RYR2: variants seen among roughly 807,000 people sequenced by gnomAD.
RYR2 encodes the protein ryanodine receptor 2.
RYR2 carries 227 observed loss-of-function variants against 601.1 expected under a neutral mutation model. The ratio of observed to expected loss-of-function variants is 0.38; its 90% CI spans 0.34 to 0.42. The LOEUF is 0.42. Among genes scored for constraint, RYR2 ranks in the 10% least tolerant of loss-of-function variants. The pLI is 1.00. For synonymous variants in RYR2, 2,223 were observed against 2,175.1 expected (o/e 1.02, Z -0.61); for missense variants, 4,646 against 6,156.5 (o/e 0.75, Z 8.21).
At position 237,496,625 on chromosome 1, in the gene RYR2, C is replaced by T. The variant is rs1282880190; in HGVS notation, c.2076C>T (p.His692=). 1 of 1,613,940 alleles carries T rather than the reference C, an allele frequency of 6.2e-7. No homozygotes were observed. Among genetic ancestry groups the T allele is most frequent in the South Asian group, 1.1e-5 (1 of 91,078 alleles). ...CCTTTGTGACAGCTGAAGCAACTCA[C>T]CTGCGAGTGGGCTGGGCTTCCACTG... ...TEPFVTAEAT[H]LRVGWASTEG... Residue 692 remains histidine (H), a synonymous_variant, in exon 20 of 105, where the codon CAC becomes CAT. Coordinates refer to ENST00000366574, the MANE Select transcript of RYR2 (RefSeq NM_001035.3).
intron 1 of RYR2, among the ~76,000 whole-genome samples, chr1:237,237,945 C>CCCTCCTTTCCTTTCCTTT (rs1685740230): frequency 2.8e-5 from 1 of 35,500 alleles, no homozygotes; most frequent in African/African-American, 6.5e-5. Flanking sequence ...CTTTCCTTTC[C>CCCTCCTTTCCTTTCCTTT]CCTTTCCTTT....
At chr1:237,393,234 T>G (rs1022913240) in intron 10 of RYR2, among the ~76,000 whole-genome samples, 2 of 152,176 alleles carry the variant, frequency 1.3e-5, no homozygotes, top group African/African-American at 4.8e-5. Flanking sequence ...GCAGGCCAAT[T>G]AAGTCATAGT....
chr1:237,772,580 G>A (rs1434001818), intron 86 of RYR2, among the ~76,000 whole-genome samples: 1 of 152,108 alleles, frequency 6.6e-6, no homozygotes, highest in Non-Finnish European at 1.5e-5. Context: ...CTCTGATATT[G>A]TAATCATATT....
Position 237,445,442 on chromosome 1 carries a change from T to A in RYR2, c.1212T>A (p.Ser404Arg). 1 of 1,613,700 alleles carries A rather than the reference T, an allele frequency of 6.2e-7. No individual in the cohort carries two copies. The highest frequency in any genetic ancestry group is 8.5e-7 in the Non-Finnish European group (1 of 1,179,704). ...AAGGCCACATGGATGATGGCATAAG[T>A]TTGTCGAGATCCCAGCATGAAGAAT... ...HHEGHMDDGISLSRSQHEESR... is the reference protein window; with the variant it reads ...HHEGHMDDGIRLSRSQHEESR... Residue 404 changes from serine to arginine, a missense_variant, in exon 14 of 105, where the codon AGT (serine) becomes AGA (arginine). Ser to Arg is a moderately radical substitution (Grantham distance 110, BLOSUM62 -1). This residue lies in a region of RYR2 where 1,807 missense variants were observed against 2,088.1 expected (regional missense o/e 0.87). Coordinates refer to ENST00000366574, the MANE Select transcript of RYR2 (RefSeq NM_001035.3).
chr1:237,258,536 A>C (rs749260412), intron 1 of RYR2, among the ~76,000 whole-genome samples: 1 of 152,202 alleles, frequency 6.6e-6, no homozygotes, highest in South Asian at 2.1e-4. Context: ...AAATGTGATC[A>C]TTATTGGTGG....
At chr1:237,455,933 T>G (rs903896231) in intron 15 of RYR2, among the ~76,000 whole-genome samples, 6 of 152,158 alleles carry the variant, frequency 3.9e-5, no homozygotes, top group African/African-American at 1.4e-4. Context: ...AGTAATTTAG[T>G]TTTTTTCCCA....
At chr1:237,364,414 A>T in intron 5 of RYR2, 42 bp downstream of exon 5, 2 of 1,069,198 alleles carry the variant, frequency 1.9e-6, no homozygotes, top group East Asian at 2.7e-5. Flanking sequence ...TATATAGCAG[A>T]TATATTACTA....
Position 237,667,975 on chromosome 1 carries a change from A to G in RYR2, c.8590+17A>G, listed in dbSNP as rs1233531297. 7.1e-6 allele frequency: 11 copies of G among 1,541,586 alleles called. No homozygotes were observed. The highest frequency in any genetic ancestry group is 8.8e-6 in the Non-Finnish European group (10 of 1,140,362). ...AGTCCAAAGGTAATATTTTCTAAAA[A>G]CGTTTATTAAAAAATAATCTGAGCT... On this transcript the variant is annotated intron_variant, in intron 58 of 104. Transcript: ENST00000366574.
chr1:237,465,090 G>GCACACA lies in RYR2; in HGVS notation c.1613-3984_1613-3979dup, dbSNP rs10610645. On this transcript the variant is annotated intron_variant, in intron 16 of 104. Transcript: ENST00000366574. The stretch of plus-strand genomic sequence containing the variant: ...GACATGCGCCTACATACACACACAT[G>GCACACA]CACACACACACACACACACACACGC... Among the ~76,000 whole-genome samples the GCACACA allele has an allele frequency of 4.2e-3, 634 of 150,226 alleles. 1 individual carries two copies. The highest frequency in any genetic ancestry group is 0.015 in the African/African-American group (612 of 40,904).
chr1:237,207,157 A>AG, intron 1 of RYR2, among the ~76,000 whole-genome samples: 1 of 152,068 alleles, frequency 6.6e-6, no homozygotes, highest in East Asian at 1.9e-4. Context: ...AAAAAAAAAA[A>AG]AATTAAAAAA....
chr1:237,061,279 CT>C (rs1277489048), intron 1 of RYR2, among the ~76,000 whole-genome samples: 2 of 16,592 alleles, frequency 1.2e-4, no homozygotes, highest in Non-Finnish European at 1.6e-4. Flanking sequence ...CATCTATCAT[CT>C]ATCTATCTAT....
chr1:237,549,058 C>T (rs1454188361), intron 26 of RYR2, among the ~76,000 whole-genome samples: 1 of 152,146 alleles, frequency 6.6e-6, no homozygotes, highest in Non-Finnish European at 1.5e-5. Context: ...CAAGTGACTT[C>T]AAATTGCAAT....
chr1:237,619,516 T>A (rs1202183411), intron 38 of RYR2, among the ~76,000 whole-genome samples: 2 of 152,112 alleles, frequency 1.3e-5, no homozygotes, highest in Non-Finnish European at 2.9e-5. Flanking sequence ...ATCTAACATT[T>A]GTGATGTTGG....
intron 1 of RYR2, among the ~76,000 whole-genome samples, chr1:237,126,436 C>T (rs1238277393): frequency 1.3e-5 from 2 of 152,088 alleles, no homozygotes; most frequent in Non-Finnish European, 2.9e-5. Flanking sequence ...TGGAGCTGAG[C>T]CCTCCATGCC....
intron 36 of RYR2, 44 bp from the exon 37 acceptor site, chr1:237,613,995 A>G (rs1035145570): frequency 1.3e-6 from 2 of 1,544,876 alleles, no homozygotes; most frequent in African/African-American, 2.7e-5. Flanking sequence ...ATTTTAAAAA[A>G]TCATTCATTT....
intron 17 of RYR2, among the ~76,000 whole-genome samples, chr1:237,479,587 G>A (rs902866660): frequency 4.0e-5 from 6 of 150,022 alleles, no homozygotes; most frequent in African/African-American, 1.5e-4. Context: ...TGCTCCAGGG[G>A]ATCCATCTTA....
intron 1 of RYR2, among the ~76,000 whole-genome samples, chr1:237,255,844 T>TGC (rs1687909307): frequency 6.7e-6 from 1 of 150,054 alleles, no homozygotes; most frequent in East Asian, 1.9e-4. Flanking sequence ...TACCAGTGTG[T>TGC]GTGTGTGTGT....
intron 25 of RYR2, among the ~76,000 whole-genome samples, chr1:237,537,900 G>C (rs968904165): frequency 6.6e-6 from 1 of 152,138 alleles, no homozygotes; most frequent in Admixed American, 6.5e-5. Flanking sequence ...ATTCTCTCTG[G>C]GGATAAGGAG....
chr1:237,088,276 T>G (rs1666578924), intron 1 of RYR2, among the ~76,000 whole-genome samples: 1 of 152,158 alleles, frequency 6.6e-6, no homozygotes, highest in Non-Finnish European at 1.5e-5. Context: ...AGATGGTTAG[T>G]GAGGTCCTGG....
Sources: allele counts gnomAD v4.1 joint callset (sites outside exome capture counted in the v4.1 genomes callset), GRCh38; gene constraint gnomAD v4.1.1; regional missense constraint gnomAD v4.1.1; transcripts MANE v1.5; gene names NCBI Gene and HGNC (gene_info 2026-07-23, HGNC 2026-07-21).